DHX15: variants seen among roughly 807,000 people sequenced by gnomAD.
DHX15 encodes ATP-dependent RNA helicase DHX15.
DHX15 carries 11 observed loss-of-function variants against 94.4 expected under a neutral mutation model. The observed-to-expected ratio is 0.12, with a 90% CI of 0.07 to 0.19. The LOEUF (loss-of-function observed/expected upper bound fraction) is 0.19. Ranked by LOEUF, DHX15 falls within the 10% of genes least tolerant of loss-of-function variation. The probability of loss-of-function intolerance (pLI) is 1.00; values close to 1 mark genes in which losing one functional copy is unlikely to be tolerated. For synonymous variants in DHX15, 338 were observed against 329.9 expected (o/e 1.02, Z -0.27); for missense variants, 304 against 988.5 (o/e 0.31, Z 9.29).
chr4:24,561,940 G>A (rs992013286), intron 3 of DHX15, among the ~76,000 whole-genome samples: 1 of 151,984 alleles, frequency 6.6e-6, no homozygotes, highest in Admixed American at 6.6e-5. Flanking sequence ...GACCAGCCTG[G>A]CCAACATGTG....
At chr4:24,575,449 C>T (rs1186367700) in intron 2 of DHX15, among the ~76,000 whole-genome samples, 1 of 152,178 alleles carries the variant, frequency 6.6e-6, no homozygotes, top group African/African-American at 2.4e-5. Flanking sequence ...AGTTACTTCT[C>T]ACCCACAGCA....
intron 2 of DHX15, among the ~76,000 whole-genome samples, chr4:24,574,398 A>G (rs1722197099): frequency 6.6e-6 from 1 of 152,050 alleles, no homozygotes; most frequent in Non-Finnish European, 1.5e-5. Flanking sequence ...AATCCCCCAG[A>G]TGTGCTGCAA....
intron 6 of DHX15, among the ~76,000 whole-genome samples, chr4:24,546,730 TAGAG>T (rs1033275969): frequency 1.3e-5 from 2 of 152,040 alleles, no homozygotes; most frequent in African/African-American, 4.8e-5. Context: ...CATAAACTAA[TAGAG>T]AAATAAGAAA....
intron 2 of DHX15, among the ~76,000 whole-genome samples, chr4:24,571,161 T>A (rs1459824358): frequency 6.6e-6 from 1 of 152,260 alleles, no homozygotes; most frequent in Non-Finnish European, 1.5e-5. Context: ...TTCTACTTTA[T>A]AACAAACGTT....
At chr4:24,560,237 A>G (rs1418073595) in intron 3 of DHX15, among the ~76,000 whole-genome samples, 1 of 151,626 alleles carries the variant, frequency 6.6e-6, no homozygotes, top group Non-Finnish European at 1.5e-5. Context: ...ATATGTATAT[A>G]TATTTTATGA....
chr4:24,532,281 G>A (rs1004491203), intron 12 of DHX15, among the ~76,000 whole-genome samples: 1 of 152,124 alleles, frequency 6.6e-6, no homozygotes, highest in African/African-American at 2.4e-5. Flanking sequence ...CTCAACAGAC[G>A]TTTTTGGCTT....
chr4:24,540,769 G>A, intron 9 of DHX15, 71 bp downstream of exon 9: 1 of 820,134 alleles, frequency 1.2e-6, no homozygotes, highest in East Asian at 2.6e-5. Flanking sequence ...ATATTAAATA[G>A]GATGGAGAAA....
chr4:24,557,990 A>G lies in DHX15; in HGVS notation c.702-1580T>C, dbSNP rs1721775837. Among the ~76,000 whole-genome samples, 4 of 152,178 alleles carry G rather than the reference A, an allele frequency of 2.6e-5. No individual in the cohort carries two copies. The Middle Eastern group carries it at 0.01, about 388-fold the overall frequency. On this transcript the variant is annotated intron_variant, in intron 3 of 13. Coordinates refer to ENST00000336812, the MANE Select transcript of DHX15 (RefSeq NM_001358.3). ...GTTGATTTGCAAGGCAAAAAAAAAA[A>G]AAAAGGATTGGTTACTCTTCCAACA...
At chr4:24,544,676 A>G (rs1721385971) in intron 6 of DHX15, among the ~76,000 whole-genome samples, 1 of 152,212 alleles carries the variant, frequency 6.6e-6, no homozygotes, top group African/African-American at 2.4e-5. Flanking sequence ...AGACCTAGCA[A>G]TCAAACCTGA....
intron 2 of DHX15, among the ~76,000 whole-genome samples, chr4:24,572,140 GT>G (rs955603514): frequency 1.2e-4 from 18 of 152,148 alleles, no homozygotes; most frequent in African/African-American, 4.1e-4. Flanking sequence ...CAGATCTTTT[GT>G]TTTTTTGTTT....
rs1288293541 is a variant in DHX15 at position 24,576,783 on chromosome 4, A to G, written c.72-105T>C. 6.8e-5 allele frequency: 98 copies of G among 1,446,152 alleles called. 2 individuals are homozygous for G. The Admixed American group carries it at 2.3e-3, about 34-fold the overall frequency. 89.6% of individuals were successfully genotyped at this position (1,446,152 alleles called of 1,614,324 possible). A position where few individuals can be genotyped will look rare whatever the true frequency, so the allele number is the denominator to read the frequency against. ...AATGTCCAACGTTCAAATGAATAAA[A>G]AGTCCAATGGATTATGTAACTATCA... is the stretch of plus-strand genomic sequence containing the variant. On this transcript the variant is annotated intron_variant, in intron 1 of 13. Transcript: ENST00000336812.
chr4:24,549,103 T>TTA, intron 5 of DHX15, 81 bp from the exon 6 acceptor site: 1 of 1,171,036 alleles, frequency 8.5e-7, no homozygotes, highest in South Asian at 2.2e-5. Flanking sequence ...ATGCAGTCTG[T>TTA]TTTATGTATG....
At chr4:24,575,040 C>T (rs1415195411) in intron 2 of DHX15, among the ~76,000 whole-genome samples, 1 of 151,748 alleles carries the variant, frequency 6.6e-6, no homozygotes, top group African/African-American at 2.4e-5. Context: ...GCCTGTGATC[C>T]CAGCTACTTG....
intron 3 of DHX15, among the ~76,000 whole-genome samples, chr4:24,561,711 T>TC (rs1202954908): frequency 6.6e-6 from 1 of 151,906 alleles, no homozygotes; most frequent in Non-Finnish European, 1.5e-5. Context: ...ACCAAATACC[T>TC]CATGTTCTCA....
chr4:24,547,937 ATATATCTATATC>A (rs1194457632), intron 6 of DHX15, among the ~76,000 whole-genome samples: 43 of 33,856 alleles, frequency 1.3e-3, no homozygotes, highest in Middle Eastern at 0.017. Context: ...ATATATATAT[ATATATCTATATC>A]TATATCTATA....
chr4:24,565,691 C>T (rs1306592716), intron 3 of DHX15, among the ~76,000 whole-genome samples: 1 of 152,134 alleles, frequency 6.6e-6, no homozygotes, highest in Non-Finnish European at 1.5e-5. Context: ...TTTATTGAGT[C>T]CCTCTCTAAC....
intron 3 of DHX15, among the ~76,000 whole-genome samples, chr4:24,557,927 T>TTTG (rs1240540827): frequency 1.3e-5 from 2 of 151,660 alleles, no homozygotes; most frequent in African/African-American, 4.8e-5. Flanking sequence ...GCTTCCTCTA[T>TTTG]TTGTGAGTTA....
chr4:24,536,006 G>GT (rs1721189594), intron 11 of DHX15, among the ~76,000 whole-genome samples: 2 of 151,422 alleles, frequency 1.3e-5, no homozygotes, highest in Non-Finnish European at 2.9e-5. Flanking sequence ...AGGGCTATCA[G>GT]TTAAAAAAAA....
chr4:24,542,091 T>TC (rs1721323951), intron 7 of DHX15, 69 bp from the exon 8 acceptor site: 1 of 1,328,306 alleles, frequency 7.5e-7, no homozygotes, highest in Non-Finnish European at 1.0e-6. Context: ...AACAGAAGTA[T>TC]CCAAAGCCCA....
Sources: gnomAD v4.1 joint callset for allele counts (sites outside exome capture counted in the v4.1 genomes callset) on GRCh38, gnomAD v4.1.1 for gene constraint, MANE v1.5 for transcripts, NCBI Gene and HGNC (gene_info 2026-07-23, HGNC 2026-07-21) for gene names.